STK39: variants seen among roughly 807,000 people sequenced by gnomAD.
The protein encoded by STK39 is serine/threonine kinase 39, also known as STE20/SPS1-related proline-alanine-rich protein kinase.
A neutral mutation model predicts 77.8 loss-of-function variants in STK39; 20 were observed. That is an observed-to-expected ratio of 0.26 (90% CI 0.18 to 0.37). STK39 has a LOEUF of 0.37. Among genes scored for constraint, STK39 ranks in the 10% least tolerant of loss-of-function variants. The pLI is 1.00. For synonymous variants in STK39, 246 were observed against 234.1 expected, an observed-to-expected ratio of 1.05 and a Z score of -0.47; for missense variants, 479 against 656.5, an observed-to-expected ratio of 0.73 and a Z score of 2.95.
chr2:168,036,596 G>A lies in STK39; in HGVS notation c.1377-19501C>T, dbSNP rs1029899267. On this transcript the variant is annotated intron_variant, in intron 14 of 17. Transcript: ENST00000355999. Reference sequence around the variant, plus strand: ...TTCAGGAGTAGAGATTTTAAAGGTCGAAGGCAACACAGAGCTTCAGACTTG... The same window carrying A: ...TTCAGGAGTAGAGATTTTAAAGGTCAAAGGCAACACAGAGCTTCAGACTTG... Among the ~76,000 whole-genome samples, 25 of 152,252 alleles carry A rather than the reference G, an allele frequency of 1.6e-4. No individual in the cohort carries two copies. In the East Asian group the frequency reaches 1.9e-3, roughly 12 times the overall value.
At chr2:168,035,198 A>T (rs1242703270) in intron 14 of STK39, among the ~76,000 whole-genome samples, 5 of 152,240 alleles carry the variant, frequency 3.3e-5, no homozygotes, top group Admixed American at 1.3e-4. Flanking sequence ...GATGGAAATA[A>T]GGATGTTTGT....
chr2:168,110,863 G>C (rs1232902727), intron 10 of STK39, among the ~76,000 whole-genome samples: 1 of 152,148 alleles, frequency 6.6e-6, no homozygotes, highest in Non-Finnish European at 1.5e-5. Context: ...TCAATTTGGG[G>C]ATAAATGGTG....
At chr2:168,014,760 G>A (rs1226697318) in intron 15 of STK39, among the ~76,000 whole-genome samples, 4 of 152,202 alleles carry the variant, frequency 2.6e-5, no homozygotes, top group African/African-American at 4.8e-5. Flanking sequence ...ATCTGCTGAA[G>A]CATCTGGATG....
At chr2:168,194,912 T>C (rs1689430140) in intron 1 of STK39, among the ~76,000 whole-genome samples, 1 of 152,214 alleles carries the variant, frequency 6.6e-6, no homozygotes, top group Non-Finnish European at 1.5e-5. Flanking sequence ...TCTCACAGCC[T>C]GAGGCCCAGG....
At chr2:168,242,398 T>C (rs574200208) in intron 1 of STK39, among the ~76,000 whole-genome samples, 62 of 150,404 alleles carry the variant, frequency 4.1e-4, no homozygotes, top group Middle Eastern at 3.4e-3. Context: ...CCTGTTTCTA[T>C]CAAAAAATAC....
At chr2:168,059,674 C>T (rs949426334) in intron 14 of STK39, among the ~76,000 whole-genome samples, 1 of 152,286 alleles carries the variant, frequency 6.6e-6, no homozygotes. Context: ...CTCAACTGTA[C>T]CCGGACTTAC....
intron 1 of STK39, among the ~76,000 whole-genome samples, chr2:168,225,383 T>C (rs1690277990): frequency 6.6e-6 from 1 of 152,038 alleles, no homozygotes; most frequent in African/African-American, 2.4e-5. Context: ...ACTATTGACA[T>C]AGGAAAGTTA....
intron 14 of STK39, among the ~76,000 whole-genome samples, chr2:168,059,772 T>C (rs1167028278): frequency 1.3e-5 from 2 of 152,220 alleles, no homozygotes; most frequent in Non-Finnish European, 2.9e-5. Flanking sequence ...AAATCTAATA[T>C]ACCTTCTATA....
chr2:167,999,411 T>A (rs948175696), intron 16 of STK39, among the ~76,000 whole-genome samples: 11 of 152,212 alleles, frequency 7.2e-5, no homozygotes, highest in African/African-American at 2.7e-4. Context: ...CCTGTTTTGT[T>A]AATCAGGTGT....
At position 168,247,347 on chromosome 2, in the gene STK39, G is replaced by A; in HGVS notation, c.89C>T (p.Ala30Val). Residue 30 changes from alanine to valine, a missense_variant, in exon 1 of 18, where the codon GCC becomes GTC. Ala to Val is a moderately conservative substitution (Grantham distance 64). This residue lies in a region of STK39 where 96 missense variants were observed against 79.1 expected (regional missense o/e 1.21). Coordinates refer to ENST00000355999, the MANE Select transcript of STK39 (RefSeq NM_013233.3). The stretch of plus-strand genomic sequence containing the variant: ...TGCCGGGGCCGGCGCTGCTGTCGCG[G>A]CCGCCGGGGCCGCCGCCGCCGCCGC... ...VTAAAAAAPA[A>V]ATAAPAPAAP... is the part of the protein sequence containing the mutation. 1.9e-6 allele frequency: 2 copies of A among 1,046,326 alleles called. No homozygotes were observed. Among genetic ancestry groups the A allele is most frequent in the Non-Finnish European group, 1.2e-6 (1 of 867,762 alleles). 64.8% of individuals were successfully genotyped at this position (1,046,326 alleles called of 1,614,324 possible).
intron 17 of STK39, among the ~76,000 whole-genome samples, chr2:167,958,832 C>G (rs1005834823): frequency 7.2e-5 from 11 of 152,210 alleles, no homozygotes; most frequent in Admixed American, 2.0e-4. Flanking sequence ...GTCTACCTTG[C>G]ACTTTGAGTG....
intron 14 of STK39, among the ~76,000 whole-genome samples, chr2:168,031,675 T>C (rs1051882893): frequency 1.3e-5 from 2 of 152,044 alleles, no homozygotes; most frequent in African/African-American, 2.4e-5. Flanking sequence ...AGAGGAAAGA[T>C]CACATAAGAA....
intron 1 of STK39, among the ~76,000 whole-genome samples, chr2:168,190,129 C>T (rs1348214681): frequency 6.6e-6 from 1 of 152,140 alleles, no homozygotes; most frequent in Admixed American, 6.5e-5. Flanking sequence ...CCTTATTATT[C>T]CTAGAATCAG....
At chr2:168,136,458 C>A (rs892798889) in intron 8 of STK39, among the ~76,000 whole-genome samples, 1 of 151,870 alleles carries the variant, frequency 6.6e-6, no homozygotes, top group Non-Finnish European at 1.5e-5. Context: ...ACATACAAAT[C>A]TCCTAAAGAA....
At chr2:168,203,297 T>C (rs1309830307) in intron 1 of STK39, among the ~76,000 whole-genome samples, 1 of 152,068 alleles carries the variant, frequency 6.6e-6, no homozygotes, top group Non-Finnish European at 1.5e-5. Context: ...CAGACATCCT[T>C]TCGACCCATT....
intron 16 of STK39, among the ~76,000 whole-genome samples, chr2:167,993,120 C>T (rs1295974722): frequency 6.6e-6 from 1 of 152,228 alleles, no homozygotes. Flanking sequence ...GAAGAATCAT[C>T]TGCACCCAGA....
In STK39 at chr2:168,199,527, T is replaced by A. The variant is rs1004178586; in HGVS notation, c.209-17437A>T. On this transcript the variant is annotated intron_variant, in intron 1 of 17. Transcript: ENST00000355999. ...TAAAAGGAAATGGTAATCCTGCATT[T>A]TAACTTTTTTTTTTTTTTTAGACAG... 2.3e-4 allele frequency among the ~76,000 whole-genome samples: 35 copies of A among 149,638 alleles called. 1 individual carries two copies. Among genetic ancestry groups the A allele is most frequent in the Non-Finnish European group, 7.4e-5 (5 of 67,824 alleles).
intron 16 of STK39, among the ~76,000 whole-genome samples, chr2:167,994,873 A>G (rs1177295861): frequency 6.6e-6 from 1 of 152,138 alleles, no homozygotes; most frequent in Admixed American, 6.5e-5. Context: ...ACAAAGTTAA[A>G]TCCTTCAGGT....
chr2:168,227,949 G>A (rs553057095), intron 1 of STK39, among the ~76,000 whole-genome samples: 3 of 152,202 alleles, frequency 2.0e-5, no homozygotes, highest in South Asian at 2.1e-4. Flanking sequence ...GAGCCACCGC[G>A]CCTGGCCAAA....
Sources: allele counts gnomAD v4.1 joint callset (sites outside exome capture counted in the v4.1 genomes callset), GRCh38; gene constraint gnomAD v4.1.1; regional missense constraint gnomAD v4.1.1; transcripts MANE v1.5; gene names NCBI Gene and HGNC (gene_info 2026-07-23, HGNC 2026-07-21).